The following METAP1D variants were observed in gnomAD, a reference collection of about 807,000 sequenced individuals.
METAP1D encodes methionyl aminopeptidase type 1D, mitochondrial.
In METAP1D, 31 loss-of-function variants were observed where a neutral mutation model predicts 40.5. The ratio of observed to expected loss-of-function variants is 0.77; its 90% CI spans 0.58 to 1.03. METAP1D has a LOEUF of 1.03. METAP1D is among the 50% of genes least tolerant of loss of function. The pLI, the probability that METAP1D is intolerant of heterozygous loss-of-function variation, is 0.00. For synonymous variants in METAP1D, 151 were observed against 146.4 expected, an observed-to-expected ratio of 1.03 and a Z score of -0.22; for missense variants, 411 against 420.7, an observed-to-expected ratio of 0.98 and a Z score of 0.20.
At chr2:172,070,837 A>C (rs1238968958) in intron 5 of METAP1D, 70 bp from the exon 6 acceptor site, 2 of 1,263,538 alleles carry the variant, frequency 1.6e-6, no homozygotes, top group Non-Finnish European at 2.1e-6. Flanking sequence ...ACATAAATGA[A>C]TACAATGTAT....
chr2:172,070,821 C>T, intron 5 of METAP1D, 86 bp from the exon 6 acceptor site: 2 of 1,119,724 alleles, frequency 1.8e-6, no homozygotes, highest in Non-Finnish European at 2.4e-6. Flanking sequence ...CATGAGTCTA[C>T]TAAATACATA....
chr2:172,018,261 T>C (rs893761117), intron 1 of METAP1D, among the ~76,000 whole-genome samples: 15 of 151,872 alleles, frequency 9.9e-5, no homozygotes, highest in African/African-American at 3.6e-4. Flanking sequence ...AATACACATC[T>C]ACCCTTGCTG....
In METAP1D at chr2:172,034,985, TC is replaced by T. The variant is rs1689335389; in HGVS notation, c.41-26512del. 4.0e-5 allele frequency among the ~76,000 whole-genome samples: 6 copies of T among 150,366 alleles called. No homozygotes were observed. In the South Asian group the frequency reaches 6.3e-4, roughly 16 times the overall value. On this transcript the variant is annotated intron_variant, in intron 1 of 9. Transcript: ENST00000315796. ...GAAACCCTGATTGTTAGAATTTTTT[TC>T]TTTTTTTTTTTTTTGTTGTTTTATT...
chr2:172,045,755 ATATG>A (rs1198447266), intron 1 of METAP1D, among the ~76,000 whole-genome samples: 5 of 79,374 alleles, frequency 6.3e-5, no homozygotes, highest in African/African-American at 7.9e-5. Flanking sequence ...ATATATGTAT[ATATG>A]TGTGTATATA....
intron 1 of METAP1D, among the ~76,000 whole-genome samples, chr2:172,010,809 C>T (rs1374801728): frequency 4.8e-5 from 7 of 144,578 alleles, no homozygotes; most frequent in African/African-American, 1.8e-4. Flanking sequence ...AGTGCAGTGG[C>T]ATGATCTCGA....
At chr2:172,053,104 A>G (rs2105461561) in intron 1 of METAP1D, among the ~76,000 whole-genome samples, 1 of 152,356 alleles carries the variant, frequency 6.6e-6, no homozygotes, top group Admixed American at 6.5e-5. Flanking sequence ...AGACTATTTA[A>G]TTTTTCTTTA....
chr2:172,070,125 G>T (rs1313276736), intron 5 of METAP1D, among the ~76,000 whole-genome samples: 1 of 152,094 alleles, frequency 6.6e-6, no homozygotes, highest in Admixed American at 6.6e-5. Flanking sequence ...ATAGTGCTTG[G>T]TTATCAATGA....
At chr2:172,033,456 C>G (rs1335917516) in intron 1 of METAP1D, among the ~76,000 whole-genome samples, 2 of 151,732 alleles carry the variant, frequency 1.3e-5, no homozygotes, top group African/African-American at 4.8e-5. Flanking sequence ...CGAGTTCAAG[C>G]AATTCTCCTG....
At chr2:172,055,275 A>T (rs1689978265) in intron 1 of METAP1D, among the ~76,000 whole-genome samples, 1 of 111,828 alleles carries the variant, frequency 8.9e-6, no homozygotes, top group South Asian at 2.9e-4. Context: ...ATTTGTTGTA[A>T]CATTGGTGGT....
chr2:172,031,044 ATAG>A (rs1689231660), intron 1 of METAP1D, among the ~76,000 whole-genome samples: 1 of 152,252 alleles, frequency 6.6e-6, no homozygotes, highest in African/African-American at 2.4e-5. Flanking sequence ...AAAGACATTT[ATAG>A]TATTTTCCCC....
In METAP1D at chr2:172,044,223, A is replaced by G. The variant is rs538315058; in HGVS notation, c.41-17275A>G. Among the ~76,000 whole-genome samples the G allele has an allele frequency of 9.7e-4, 130 of 133,436 alleles. 14 individuals are homozygous for G. Among genetic ancestry groups the G allele is most frequent in the African/African-American group, 3.2e-3 (126 of 39,638 alleles). The allele number at this position is 133,436 out of a possible 152,430, so 87.5% of individuals were successfully genotyped here. ...GCTGAAAAGATAGTTGAAACAGTGT[A>G]GTACACACATTTAATATTTGTAATT... On this transcript the variant is annotated intron_variant, in intron 1 of 9. Transcript: ENST00000315796.
chr2:172,055,047 G>T (rs1689971149), intron 1 of METAP1D, among the ~76,000 whole-genome samples: 1 of 152,108 alleles, frequency 6.6e-6, no homozygotes, highest in Non-Finnish European at 1.5e-5. Context: ...ACTGTTCTGG[G>T]CTCTCCTACT....
rs1015534352 is a variant in METAP1D, at chr2:172,045,380, G to A, written c.41-16118G>A. 3.8e-5 allele frequency among the ~76,000 whole-genome samples: 5 copies of A among 133,072 alleles called. 1 individual carries two copies. Among genetic ancestry groups the A allele is most frequent in the African/African-American group, 1.3e-4 (5 of 39,384 alleles). 87.3% of individuals were successfully genotyped at this position (133,072 alleles called of 152,430 possible). On this transcript the variant is annotated intron_variant, in intron 1 of 9. Transcript: ENST00000315796. ...AACCACTAAAAAGGATCCTATATAA[G>A]CCGGGCGCGGTGGCTCACCCCTGTA...
In METAP1D at chr2:172,078,565, T is replaced by C. The variant is rs148201032; in HGVS notation, c.803-650T>C. The stretch of plus-strand genomic sequence containing the variant: ...GAAAGTTGGTCCTGGGGCCTTGACC[T>C]GTGCCCCTATGGACTTGATTGGTCC... On this transcript the variant is annotated intron_variant, in intron 7 of 9. Transcript: ENST00000315796. Among the ~76,000 whole-genome samples the C allele has an allele frequency of 1.4e-3, 208 of 152,310 alleles. 2 individuals carry two copies. Among genetic ancestry groups the C allele is most frequent in the African/African-American group, 4.8e-3 (198 of 41,570 alleles).
intron 1 of METAP1D, among the ~76,000 whole-genome samples, chr2:172,030,090 A>ATT (rs201221974): frequency 1.4e-5 from 2 of 140,116 alleles, no homozygotes; most frequent in African/African-American, 5.2e-5. Flanking sequence ...TTATTTATTT[A>ATT]TTTATTTATT....
Position 172,080,499 on chromosome 2 carries a change from C to A in METAP1D, c.*93C>A, listed in dbSNP as rs898792512. On this transcript the variant is annotated 3_prime_UTR_variant, in exon 10 of 10. Coordinates refer to ENST00000315796, the MANE Select transcript of METAP1D (RefSeq NM_199227.3). ...CTTTTAGAAGAAACAGGGAAATGAC[C>A]GGTGGTGCGGTAACCTGCGTGGCTC... 2 of 1,345,360 alleles carry A rather than the reference C, an allele frequency of 1.5e-6. No individual in the cohort carries two copies. Among genetic ancestry groups the A allele is most frequent in the African/African-American group, 1.4e-5 (1 of 69,518 alleles). 83.3% of individuals were successfully genotyped at this position (1,345,360 alleles called of 1,614,324 possible).
At chr2:172,023,091 G>A (rs1558997981) in intron 1 of METAP1D, among the ~76,000 whole-genome samples, 1 of 152,212 alleles carries the variant, frequency 6.6e-6, no homozygotes. Flanking sequence ...AGGAGGCTGA[G>A]GCAGGAGAAT....
intron 1 of METAP1D, among the ~76,000 whole-genome samples, chr2:172,036,753 T>G (rs1373508951): frequency 6.6e-6 from 1 of 152,242 alleles, no homozygotes; most frequent in Non-Finnish European, 1.5e-5. Flanking sequence ...TACCTAGGAT[T>G]GAATTAGTGA....
At chr2:172,073,633 T>C (rs938479892) in intron 6 of METAP1D, among the ~76,000 whole-genome samples, 13 of 152,222 alleles carry the variant, frequency 8.5e-5, no homozygotes, top group Admixed American at 8.5e-4. Flanking sequence ...GAAAGGAAAC[T>C]GGCCCCGATT....
Sources: gnomAD v4.1 joint callset for allele counts (sites outside exome capture counted in the v4.1 genomes callset) on GRCh38, gnomAD v4.1.1 for gene constraint, MANE v1.5 for transcripts, NCBI Gene and HGNC (gene_info 2026-07-23, HGNC 2026-07-21) for gene names.